The following PCDHGB3 variants were observed in gnomAD, a reference collection of about 807,000 sequenced individuals.
PCDHGB3 encodes the protein protocadherin gamma subfamily B, 3.
In PCDHGB3, 40 loss-of-function variants were observed where a neutral mutation model predicts 59.2. That is an observed-to-expected ratio of 0.68 (90% CI 0.52 to 0.88). The LOEUF (loss-of-function observed/expected upper bound fraction) is 0.88. PCDHGB3 is among the 40% of genes least tolerant of loss of function. PCDHGB3 has a pLI of 0.00. For missense variants in PCDHGB3, 1,309 were observed against 1,187.9 expected, an observed-to-expected ratio of 1.10 and a Z score of -1.50; for synonymous variants, 581 against 503.6, an observed-to-expected ratio of 1.15 and a Z score of -2.06.
chr5:141,403,850 G>A lies in PCDHGB3; in HGVS notation c.2415+31041G>A, dbSNP rs368454282. The A allele has an allele frequency of 1.4e-5, 23 of 1,613,634 alleles. No individual in the cohort carries two copies. In the African/African-American group the frequency reaches 3.1e-4, roughly 22 times the overall value. On this transcript the variant is annotated intron_variant, in intron 1 of 3. Coordinates refer to ENST00000576222, the MANE Select transcript of PCDHGB3 (RefSeq NM_018924.5). Reference sequence around the variant, plus strand: ...ATTCCAGCTTAATGAAAATACTGGGGAAATATCAACAGCAAAAAGTCTAGA... The same window carrying A: ...ATTCCAGCTTAATGAAAATACTGGGAAAATATCAACAGCAAAAAGTCTAGA...
At chr5:141,496,373 C>T (rs1315450867) in intron 2 of PCDHGB3, among the ~76,000 whole-genome samples, 2 of 152,216 alleles carry the variant, frequency 1.3e-5, no homozygotes. Flanking sequence ...GAAGCAGGAG[C>T]TTGGGCCACC....
At chr5:141,392,806 A>C (rs2092599321) in intron 1 of PCDHGB3, 1 of 1,576,662 alleles carries the variant, frequency 6.3e-7, no homozygotes, top group Non-Finnish European at 8.6e-7. Flanking sequence ...TTCTGCAGCA[A>C]AACAACAATG....
intron 1 of PCDHGB3, chr5:141,393,608 A>G: frequency 6.2e-7 from 1 of 1,613,986 alleles, no homozygotes; most frequent in Non-Finnish European, 8.5e-7. Context: ...TTACTGTAAC[A>G]GCCAGCGACC....
intron 1 of PCDHGB3, among the ~76,000 whole-genome samples, chr5:141,457,005 A>T (rs2098903361): frequency 6.6e-6 from 1 of 152,146 alleles, no homozygotes; most frequent in Admixed American, 6.5e-5. Flanking sequence ...TGCATTACTA[A>T]ATCCAATAAA....
intron 1 of PCDHGB3, among the ~76,000 whole-genome samples, chr5:141,483,997 T>G (rs2099590025): frequency 8.6e-5 from 6 of 69,516 alleles, no homozygotes; most frequent in East Asian, 4.4e-4. Context: ...TGCTGGGAGG[T>G]CTGGATGAGG....
chr5:141,492,106 C>T (rs1265796740), intron 1 of PCDHGB3, among the ~76,000 whole-genome samples: 2 of 152,238 alleles, frequency 1.3e-5, no homozygotes, highest in South Asian at 2.1e-4. Flanking sequence ...TGTAGATTTC[C>T]TCTTCGATTT....
chr5:141,409,357 T>A, intron 1 of PCDHGB3: 2 of 1,613,968 alleles, frequency 1.2e-6, no homozygotes, highest in Non-Finnish European at 1.7e-6. Context: ...TCAGGTGTAA[T>A]ATAGAAACAG....
At chr5:141,414,225 G>A in intron 1 of PCDHGB3, 1 of 1,613,398 alleles carries the variant, frequency 6.2e-7, no homozygotes, top group Non-Finnish European at 8.5e-7. Context: ...ACAGTCCAGA[G>A]CTGACCATCA....
intron 1 of PCDHGB3, among the ~76,000 whole-genome samples, chr5:141,479,798 G>C (rs892288776): frequency 6.6e-6 from 1 of 152,234 alleles, no homozygotes; most frequent in East Asian, 1.9e-4. Context: ...ATTAATTCAG[G>C]GTGGTATGCA....
chr5:141,393,155 A>G (rs1158641344), intron 1 of PCDHGB3: 1 of 1,613,328 alleles, frequency 6.2e-7, no homozygotes, highest in Non-Finnish European at 8.5e-7. Flanking sequence ...AGGATAAAGG[A>G]AAACTCTTTG....
At chr5:141,444,115 AG>A (rs1206374963) in intron 1 of PCDHGB3, among the ~76,000 whole-genome samples, 3 of 147,326 alleles carry the variant, frequency 2.0e-5, no homozygotes, top group Admixed American at 2.0e-4. Context: ...AGAAAAGTGA[AG>A]TATCTCAACA....
intron 1 of PCDHGB3, among the ~76,000 whole-genome samples, chr5:141,467,087 C>T (rs1159093881): frequency 3.4e-5 from 5 of 147,240 alleles, no homozygotes; most frequent in African/African-American, 1.3e-4. Context: ...AAGTCTCACT[C>T]TGTCACACAG....
intron 1 of PCDHGB3, chr5:141,478,333 G>T: frequency 6.2e-7 from 1 of 1,613,928 alleles, no homozygotes; most frequent in Non-Finnish European, 8.5e-7. Context: ...GAACACCAGG[G>T]CCCTCCTTGC....
rs553860713 is a variant in PCDHGB3, at chr5:141,410,124, G to C, written c.2415+37315G>C. On this transcript the variant is annotated intron_variant, in intron 1 of 3. Coordinates refer to ENST00000576222, the MANE Select transcript of PCDHGB3 (RefSeq NM_018924.5). ...GGCGACAGGGACGCAGCCCGCCAGC[G>C]CCTGCTGGTCGCTGTGCGTGACGGT... is the stretch of plus-strand genomic sequence containing the variant. 1.2e-5 allele frequency: 20 copies of C among 1,612,726 alleles called. No homozygotes were observed. In the South Asian group the frequency reaches 2.2e-4, roughly 18 times the overall value.
At chr5:141,509,536 A>T (rs778275338) in intron 3 of PCDHGB3, among the ~76,000 whole-genome samples, 1 of 152,130 alleles carries the variant, frequency 6.6e-6, no homozygotes, top group Non-Finnish European at 1.5e-5. Context: ...AGGATGAAGC[A>T]CCATCTCATT....
At chr5:141,500,417 G>A in intron 2 of PCDHGB3, among the ~76,000 whole-genome samples, 1 of 151,736 alleles carries the variant, frequency 6.6e-6, no homozygotes, top group East Asian at 2.0e-4. Flanking sequence ...CACCGTGTTA[G>A]CCAGGATGGT....
At chr5:141,399,593 C>T in intron 1 of PCDHGB3, 1 of 1,613,988 alleles carries the variant, frequency 6.2e-7, no homozygotes, top group Non-Finnish European at 8.5e-7. Flanking sequence ...TCTATCATGG[C>T]CAGCGACCTA....
Position 141,387,642 on chromosome 5 carries a change from C to G in PCDHGB3, c.2415+14833C>G, listed in dbSNP as rs554256672. The G allele has an allele frequency of 4.8e-6, 3 of 622,368 alleles. No homozygotes were observed. In the Admixed American group the frequency reaches 1.0e-4, roughly 21 times the overall value. The allele number at this position is 622,368 out of a possible 1,614,324, so 38.6% of individuals were successfully genotyped here. A position where few individuals can be genotyped will look rare whatever the true frequency, so the allele number is the denominator to read the frequency against. On this transcript the variant is annotated intron_variant, in intron 1 of 3. Transcript: ENST00000576222. Reference sequence around the variant, plus strand: ...TGCTGACTCTGGGCGCCGCTGTTGGCCAAAGTGGAGAGCTTGGCGCTCCAG... The same window carrying G: ...TGCTGACTCTGGGCGCCGCTGTTGGGCAAAGTGGAGAGCTTGGCGCTCCAG...
At chr5:141,445,148 C>T (rs1051995635) in intron 1 of PCDHGB3, among the ~76,000 whole-genome samples, 3 of 152,092 alleles carry the variant, frequency 2.0e-5, no homozygotes, top group Non-Finnish European at 4.4e-5. Context: ...TCTAATTGTT[C>T]ATTTCTAGTT....
Sources: gnomAD v4.1 joint callset for allele counts (sites outside exome capture counted in the v4.1 genomes callset) on GRCh38, gnomAD v4.1.1 for gene constraint, MANE v1.5 for transcripts, NCBI Gene and HGNC (gene_info 2026-07-23, HGNC 2026-07-21) for gene names.